The following UNC13C variants were observed in gnomAD, a reference collection of about 807,000 sequenced individuals.
UNC13C encodes the protein unc-13 homolog C.
A neutral mutation model predicts 245.4 loss-of-function variants in UNC13C; 174 were observed. The observed-to-expected ratio is 0.71, with a 90% CI of 0.63 to 0.80. The LOEUF (loss-of-function observed/expected upper bound fraction) is 0.80. Among genes scored for constraint, UNC13C ranks in the 30% least tolerant of loss-of-function variants. The pLI is 0.00. For synonymous variants in UNC13C, 992 were observed against 895.1 expected (o/e 1.11, Z -1.93); for missense variants, 2,829 against 2,602.9 (o/e 1.09, Z -1.89).
intron 2 of UNC13C, among the ~76,000 whole-genome samples, chr15:54,088,623 T>C (rs764916112): frequency 3.3e-5 from 5 of 152,166 alleles, no homozygotes; most frequent in African/African-American, 4.8e-5. Flanking sequence ...TCAGAGCATG[T>C]TACTTCCTTT....
intron 4 of UNC13C, among the ~76,000 whole-genome samples, chr15:54,187,593 T>C (rs1457707801): frequency 6.6e-6 from 1 of 152,136 alleles, no homozygotes; most frequent in African/African-American, 2.4e-5. Context: ...CATAGCTAAC[T>C]CCTCTTCACT....
At chr15:54,094,452 G>C (rs1432145608) in intron 2 of UNC13C, among the ~76,000 whole-genome samples, 1 of 152,080 alleles carries the variant, frequency 6.6e-6, no homozygotes, top group African/African-American at 2.4e-5. Flanking sequence ...AGGCTAACTG[G>C]TACTCATGAG....
chr15:54,094,096 A>G (rs1899720963), intron 2 of UNC13C, among the ~76,000 whole-genome samples: 1 of 152,134 alleles, frequency 6.6e-6, no homozygotes, highest in Admixed American at 6.6e-5. Context: ...GGAGGCAGCA[A>G]TGCAAAGGCA....
intron 17 of UNC13C, among the ~76,000 whole-genome samples, chr15:54,379,192 T>C (rs974981709): frequency 2.6e-5 from 4 of 152,146 alleles, no homozygotes; most frequent in Non-Finnish European, 5.9e-5. Context: ...TAGTAACTAT[T>C]AATTTTAAAA....
chr15:54,514,674 T>C (rs1249805541), intron 24 of UNC13C, among the ~76,000 whole-genome samples: 1 of 151,852 alleles, frequency 6.6e-6, no homozygotes, highest in Non-Finnish European at 1.5e-5. Context: ...GCTTTAACCT[T>C]ATCACCATGT....
chr15:54,521,009 T>C (rs943774399), intron 24 of UNC13C, among the ~76,000 whole-genome samples: 1 of 152,090 alleles, frequency 6.6e-6, no homozygotes, highest in African/African-American at 2.4e-5. Flanking sequence ...AGCATATTTA[T>C]AGGATGGGGT....
chr15:54,419,420 A>G (rs1410239679), intron 19 of UNC13C, among the ~76,000 whole-genome samples: 1 of 152,160 alleles, frequency 6.6e-6, no homozygotes, highest in Non-Finnish European at 1.5e-5. Context: ...TAGAAGTTCA[A>G]TGGCTAATAA....
At position 54,240,675 on chromosome 15, in the gene UNC13C, G is replaced by A. The variant is rs139252500; in HGVS notation, c.3228+2985G>A. Among the ~76,000 whole-genome samples the A allele has an allele frequency of 5.1e-3, 777 of 152,220 alleles. 6 individuals are homozygous for A. Among genetic ancestry groups the A allele is most frequent in the African/African-American group, 0.018 (746 of 41,516 alleles). On this transcript the variant is annotated intron_variant, in intron 7 of 32. Transcript: ENST00000260323. ...ACCAACTCCACCTTACCCATGAGGC[G>A]CTATTAGGACTGATTGAGAATCTCA...
At chr15:54,197,214 C>T (rs542167293) in intron 4 of UNC13C, among the ~76,000 whole-genome samples, 78 of 152,226 alleles carry the variant, frequency 5.1e-4, no homozygotes, top group South Asian at 5.0e-3. Flanking sequence ...CAGTGGCTCA[C>T]GCCTGTAATC....
intron 2 of UNC13C, among the ~76,000 whole-genome samples, chr15:54,103,766 A>G (rs538851143): frequency 6.6e-6 from 1 of 151,920 alleles, no homozygotes; most frequent in Non-Finnish European, 1.5e-5. Context: ...TTTTTATGAG[A>G]CAGAGTCTCA....
chr15:53,929,830 A>G, the UNC13C span, among the ~76,000 whole-genome samples: 1 of 152,220 alleles, frequency 6.6e-6, no homozygotes, highest in Non-Finnish European at 1.5e-5. Flanking sequence ...TTTCAACACT[A>G]CAACTAAAGC....
intron 19 of UNC13C, among the ~76,000 whole-genome samples, chr15:54,442,031 G>T (rs1890554343): frequency 6.6e-6 from 1 of 151,748 alleles, no homozygotes; most frequent in South Asian, 2.1e-4. Flanking sequence ...TTTGTATCTT[G>T]TAATTTTATT....
chr15:54,488,897 G>T (rs1893558631), intron 19 of UNC13C, among the ~76,000 whole-genome samples: 1 of 152,154 alleles, frequency 6.6e-6, no homozygotes, highest in African/African-American at 2.4e-5. Flanking sequence ...AATGTAGGAG[G>T]ATTGATGGCT....
At chr15:54,155,423 G>C (rs1043736405) in intron 4 of UNC13C, among the ~76,000 whole-genome samples, 1 of 152,124 alleles carries the variant, frequency 6.6e-6, no homozygotes, top group Non-Finnish European at 1.5e-5. Context: ...TGAGATTCAA[G>C]GAATGTGGAA....
chr15:54,263,980 A>T (rs910361556), intron 8 of UNC13C, among the ~76,000 whole-genome samples, 188 bp from the exon 9 acceptor site: 6 of 152,108 alleles, frequency 3.9e-5, no homozygotes, highest in African/African-American at 1.2e-4. Flanking sequence ...TGCCAATAAC[A>T]CAAAGGAGTA....
intron 17 of UNC13C, among the ~76,000 whole-genome samples, chr15:54,352,828 T>G (rs1306597464): frequency 5.3e-5 from 8 of 152,178 alleles, no homozygotes; most frequent in Non-Finnish European, 1.2e-4. Context: ...TCCTTAAATA[T>G]GCTATATGGC....
intron 2 of UNC13C, among the ~76,000 whole-genome samples, chr15:54,072,600 G>A (rs1451124831): frequency 1.3e-5 from 2 of 152,080 alleles, no homozygotes; most frequent in African/African-American, 2.4e-5. Flanking sequence ...AAGCCACTAC[G>A]TTTTCTTTTT....
At chr15:54,484,962 T>C (rs1331721439) in intron 19 of UNC13C, among the ~76,000 whole-genome samples, 1 of 152,074 alleles carries the variant, frequency 6.6e-6, no homozygotes, top group Non-Finnish European at 1.5e-5. Context: ...TACTTGAAAC[T>C]GATTATTTAT....
At chr15:53,996,416 C>T (rs1288527797) in intron 1 of UNC13C, among the ~76,000 whole-genome samples, 1 of 151,956 alleles carries the variant, frequency 6.6e-6, no homozygotes, top group Non-Finnish European at 1.5e-5. Context: ...TGCTTAGGCC[C>T]TTATGTCTTT....
Sources: gnomAD v4.1 joint callset for allele counts (sites outside exome capture counted in the v4.1 genomes callset) on GRCh38, gnomAD v4.1.1 for gene constraint, MANE v1.5 for transcripts, NCBI Gene and HGNC (gene_info 2026-07-23, HGNC 2026-07-21) for gene names.